ZNF385D: variants seen among roughly 807,000 people sequenced by gnomAD.
ZNF385D encodes the protein zinc finger protein 385D.
ZNF385D carries 15 observed loss-of-function variants against 35.8 expected under a neutral mutation model. The observed-to-expected ratio is 0.42, with a 90% CI of 0.28 to 0.64. The LOEUF (loss-of-function observed/expected upper bound fraction) is 0.64, where lower values mean the gene tolerates loss of function less well. Ranked by LOEUF, ZNF385D falls within the 30% of genes least tolerant of loss-of-function variation. The pLI, the probability that ZNF385D is intolerant of heterozygous loss-of-function variation, is 0.23. For missense variants in ZNF385D, 474 were observed against 494.6 expected (o/e 0.96, Z 0.39); for synonymous variants, 212 against 186.8 (o/e 1.13, Z -1.10).
chr3:22,233,562 G>A (rs1039800609), intron 2 of ZNF385D, among the ~76,000 whole-genome samples: 1 of 152,088 alleles, frequency 6.6e-6, no homozygotes, highest in African/African-American at 2.4e-5. Context: ...ATTATTGCAT[G>A]CCATTTATAC....
At chr3:21,892,799 A>G (rs1358231535) in intron 3 of ZNF385D, among the ~76,000 whole-genome samples, 2 of 152,178 alleles carry the variant, frequency 1.3e-5, no homozygotes, top group African/African-American at 4.8e-5. Flanking sequence ...AACGCCAAGA[A>G]ATAAGATGCA....
intron 2 of ZNF385D, among the ~76,000 whole-genome samples, chr3:22,314,605 G>A (rs1703781027): frequency 6.6e-6 from 1 of 152,022 alleles, no homozygotes; most frequent in African/African-American, 2.4e-5. Flanking sequence ...TTCACGTAGG[G>A]TTGAGCAGCA....
intron 1 of ZNF385D, among the ~76,000 whole-genome samples, chr3:21,691,661 C>T (rs1171929398): frequency 6.6e-6 from 1 of 152,054 alleles, no homozygotes; most frequent in Non-Finnish European, 1.5e-5. Context: ...TATAAAACTG[C>T]ATTATTTGTA....
At chr3:21,885,734 CTGTGTCTG>C (rs58064936) in intron 3 of ZNF385D, among the ~76,000 whole-genome samples, 1,842 of 131,912 alleles carry the variant, frequency 0.014, 16 homozygotes, top group African/African-American at 0.033. Context: ...CAGGGTGTGT[CTGTGTCTG>C]TGTGTGTGTG....
chr3:22,210,998 G>T (rs559920054), intron 2 of ZNF385D, among the ~76,000 whole-genome samples: 1 of 152,000 alleles, frequency 6.6e-6, no homozygotes, highest in African/African-American at 2.4e-5. Context: ...AGGCAGTTTG[G>T]CATATTGATC....
At chr3:21,766,907 G>A (rs2070852797) in intron 3 of ZNF385D, among the ~76,000 whole-genome samples, 1 of 152,092 alleles carries the variant, frequency 6.6e-6, no homozygotes, top group Non-Finnish European at 1.5e-5. Flanking sequence ...ACAGCCAGAT[G>A]AGGTTCAATT....
chr3:21,703,664 CAAA>C (rs5847128), intron 1 of ZNF385D, among the ~76,000 whole-genome samples: 62,117 of 149,304 alleles, frequency 0.42, 13,800 homozygotes, highest in Middle Eastern at 0.54. Flanking sequence ...TATCCTCTTA[CAAA>C]AAAAAAAAAA....
intron 3 of ZNF385D, among the ~76,000 whole-genome samples, chr3:22,029,038 G>A (rs137922184): frequency 1.7e-3 from 256 of 152,236 alleles, no homozygotes; most frequent in African/African-American, 5.5e-3. Flanking sequence ...CACTAGCACA[G>A]TTTTTGCTTC....
At chr3:22,143,240 G>A (rs983567766) in intron 3 of ZNF385D, among the ~76,000 whole-genome samples, 10 of 151,872 alleles carry the variant, frequency 6.6e-5, no homozygotes, top group Admixed American at 1.3e-4. Context: ...CCACCACCAC[G>A]CCTGGCTAAT....
At chr3:22,050,561 C>G (rs963175560) in intron 3 of ZNF385D, among the ~76,000 whole-genome samples, 1 of 152,038 alleles carries the variant, frequency 6.6e-6, no homozygotes, top group Non-Finnish European at 1.5e-5. Context: ...CTTCATGATT[C>G]AATTTTGGTA....
At chr3:21,595,508 T>C (rs890192667) in intron 2 of ZNF385D, among the ~76,000 whole-genome samples, 1 of 148,648 alleles carries the variant, frequency 6.7e-6, no homozygotes, top group Non-Finnish European at 1.5e-5. Context: ...GTATGTAATA[T>C]ATACATAGAT....
chr3:22,348,157 T>C (rs1559533988), intron 2 of ZNF385D, among the ~76,000 whole-genome samples: 1 of 152,080 alleles, frequency 6.6e-6, no homozygotes, highest in Non-Finnish European at 1.5e-5. Context: ...ACTGGCTTTT[T>C]CTTAAGTAAT....
chr3:21,593,788 A>G (rs1041641173), intron 2 of ZNF385D, among the ~76,000 whole-genome samples: 1 of 152,078 alleles, frequency 6.6e-6, no homozygotes. Flanking sequence ...GGTTAAAAAA[A>G]AAAATAAGCT....
chr3:21,802,257 A>G (rs2125687428), intron 3 of ZNF385D, among the ~76,000 whole-genome samples: 1 of 152,318 alleles, frequency 6.6e-6, no homozygotes, highest in Middle Eastern at 3.4e-3. Flanking sequence ...GCTGTTTCCA[A>G]AAAAAGTGGG....
chr3:21,600,281 T>G (rs1171062888), intron 2 of ZNF385D, among the ~76,000 whole-genome samples: 1 of 152,198 alleles, frequency 6.6e-6, no homozygotes, highest in Non-Finnish European at 1.5e-5. Flanking sequence ...CTTTATGAAC[T>G]TGCCCTGAAT....
intron 2 of ZNF385D, among the ~76,000 whole-genome samples, chr3:21,595,340 A>ATAAC (rs2064098210): frequency 6.6e-6 from 1 of 151,978 alleles, no homozygotes; most frequent in South Asian, 2.1e-4. Flanking sequence ...AGAAACATAT[A>ATAAC]TAACTGCCAT....
chr3:22,242,061 T>C (rs1383238243), intron 2 of ZNF385D, among the ~76,000 whole-genome samples: 1 of 147,120 alleles, frequency 6.8e-6, no homozygotes, highest in African/African-American at 2.5e-5. Context: ...AACATCACAC[T>C]CTGGGGACTG....
At chr3:21,531,725 C>CG (rs2061926949) in intron 3 of ZNF385D, among the ~76,000 whole-genome samples, 1 of 152,072 alleles carries the variant, frequency 6.6e-6, no homozygotes, top group Admixed American at 6.6e-5. Context: ...AAAGATTACA[C>CG]GTTGCCAAGG....
At chr3:21,464,886 C>T (rs1387190156) in intron 4 of ZNF385D, among the ~76,000 whole-genome samples, 1 of 151,956 alleles carries the variant, frequency 6.6e-6, no homozygotes, top group African/African-American at 2.4e-5. Flanking sequence ...ATTACCCTTG[C>T]TTACCACACA....
Sources: gnomAD v4.1 joint callset for allele counts (sites outside exome capture counted in the v4.1 genomes callset) on GRCh38, gnomAD v4.1.1 for gene constraint, MANE v1.5 for transcripts, NCBI Gene and HGNC (gene_info 2026-07-23, HGNC 2026-07-21) for gene names.